HIF1A: variants seen among roughly 807,000 people sequenced by gnomAD.
The protein encoded by HIF1A is hypoxia inducible factor 1 subunit alpha.
A neutral mutation model predicts 92.7 loss-of-function variants in HIF1A; 24 were observed. The observed-to-expected ratio is 0.26, with a 90% confidence interval of 0.19 to 0.36. The LOEUF is 0.36. Ranked by LOEUF, HIF1A falls within the 10% of genes least tolerant of loss-of-function variation. HIF1A has a pLI of 1.00. For missense variants in HIF1A, 799 were observed against 998.5 expected (o/e 0.80, Z 2.69); for synonymous variants, 319 against 338.7 (o/e 0.94, Z 0.64).
chr14:61,737,254 C>G, intron 9 of HIF1A, 145 bp downstream of exon 9: 1 of 633,460 alleles, frequency 1.6e-6, no homozygotes, highest in East Asian at 2.8e-5. Context: ...AATGTATTTG[C>G]TTAAATATTT....
chr14:61,734,660 C>A (rs2044615447), intron 8 of HIF1A, among the ~76,000 whole-genome samples: 1 of 152,058 alleles, frequency 6.6e-6, no homozygotes, highest in Non-Finnish European at 1.5e-5. Context: ...AGCTCTACCA[C>A]TCATTAGCTC....
At chr14:61,713,316 A>C (rs2140129756) in intron 1 of HIF1A, among the ~76,000 whole-genome samples, 1 of 152,310 alleles carries the variant, frequency 6.6e-6, no homozygotes, top group Admixed American at 6.5e-5. Flanking sequence ...GCAGAGTAAC[A>C]GTGGTTAGCA....
At chr14:61,704,189 A>G (rs757467689) in intron 1 of HIF1A, among the ~76,000 whole-genome samples, 70 of 152,334 alleles carry the variant, frequency 4.6e-4, no homozygotes, top group Non-Finnish European at 9.3e-4. Context: ...CTATCCATAT[A>G]TTCATAATAT....
intron 4 of HIF1A, among the ~76,000 whole-genome samples, chr14:61,724,125 TTTG>T (rs761514082): frequency 6.7e-6 from 1 of 149,660 alleles, no homozygotes; most frequent in Admixed American, 7.5e-5. Context: ...TTGTTTGTTT[TTTG>T]TTTTTTTTTT....
At chr14:61,711,545 AC>A (rs2044308328) in intron 1 of HIF1A, among the ~76,000 whole-genome samples, 1 of 152,032 alleles carries the variant, frequency 6.6e-6, no homozygotes, top group African/African-American at 2.4e-5. Flanking sequence ...CTCTCTTTAC[AC>A]CTCTAAATCT....
At chr14:61,716,752 CTAA>C (rs928255152) in intron 1 of HIF1A, among the ~76,000 whole-genome samples, 16 of 152,160 alleles carry the variant, frequency 1.1e-4, no homozygotes, top group Admixed American at 7.2e-4. Context: ...AATTATTTTT[CTAA>C]ATATATTTCC....
chr14:61,714,428 C>A (rs957851788), intron 1 of HIF1A, among the ~76,000 whole-genome samples: 1 of 152,076 alleles, frequency 6.6e-6, no homozygotes, highest in African/African-American at 2.4e-5. Flanking sequence ...AAATACAAAC[C>A]AAGAACTTGG....
intron 6 of HIF1A, among the ~76,000 whole-genome samples, chr14:61,728,365 TCTATTA>T (rs1480006250): frequency 6.6e-6 from 1 of 152,216 alleles, no homozygotes; most frequent in African/African-American, 2.4e-5. Context: ...GCCCATGGTT[TCTATTA>T]CTATTTCCCA....
At chr14:61,703,047 T>C (rs1273633148) in intron 1 of HIF1A, among the ~76,000 whole-genome samples, 2 of 152,214 alleles carry the variant, frequency 1.3e-5, no homozygotes, top group Non-Finnish European at 2.9e-5. Flanking sequence ...ATTTCAGATA[T>C]AGTCTGTTTT....
At chr14:61,745,429 A>T (rs2044768146) in intron 13 of HIF1A, 2 of 426,836 alleles carry the variant, frequency 4.7e-6, no homozygotes, top group Admixed American at 3.6e-5. Context: ...TCTCATATTT[A>T]AAAAAGAACT....
At position 61,736,876 on chromosome 14, in the gene HIF1A, CTT is replaced by C; in HGVS notation, c.1029-12_1029-11del. On this transcript the variant is annotated splice_polypyrimidine_tract_variant and intron_variant, in intron 8 of 14. Coordinates refer to ENST00000337138, the MANE Select transcript of HIF1A (RefSeq NM_001530.4). ...GCTCATTTGTGAATTACCAATTTCT[CTT>C]GTTTTGACAGTGGTATTATTCAGCA... 6.3e-7 allele frequency: 1 copy of C among 1,580,714 alleles called. No homozygotes were observed. Among genetic ancestry groups the C allele is most frequent in the Non-Finnish European group, 8.7e-7 (1 of 1,150,320 alleles).
At chr14:61,746,389 C>CTT (rs2044787953) in intron 14 of HIF1A, among the ~76,000 whole-genome samples, 1 of 48,624 alleles carries the variant, frequency 2.1e-5, no homozygotes, top group African/African-American at 3.4e-5. Context: ...ACTTTTATGA[C>CTT]TTCTTTTTTT....
Position 61,738,136 on chromosome 14 carries a change from T to C in HIF1A, c.1299T>C (p.Asp433=), listed in dbSNP as rs1300550590. The part of the protein sequence containing the change: ...QQLEEVPLYN[D]VMLPSPNEKL... ...TTGAGGAAGTACCATTATATAATGA[T>C]GTAATGCTCCCCTCACCCAACGAAA... The change falls in exon 10 of 15, where the codon GAT becomes GAC. Residue 433 remains aspartate (D), a synonymous_variant. Transcript: ENST00000337138. 2 of 1,613,492 alleles carry C rather than the reference T, an allele frequency of 1.2e-6. No individual in the cohort carries two copies. Among genetic ancestry groups the C allele is most frequent in the East Asian group, 2.2e-5 (1 of 44,886 alleles).
At chr14:61,720,970 G>A (rs955715245) in intron 2 of HIF1A, among the ~76,000 whole-genome samples, 11 of 152,050 alleles carry the variant, frequency 7.2e-5, no homozygotes, top group African/African-American at 2.4e-4. Flanking sequence ...GGCCGGGCGC[G>A]GTGGCTCACG....
intron 13 of HIF1A, among the ~76,000 whole-genome samples, chr14:61,745,224 A>T (rs1594890270): frequency 6.6e-6 from 1 of 152,168 alleles, no homozygotes; most frequent in African/African-American, 2.4e-5. Flanking sequence ...GGAGTTCGAG[A>T]CCAGCCTGGC....
chr14:61,740,306 C>A (rs1430189800), intron 10 of HIF1A, 199 bp from the exon 11 acceptor site: 5 of 388,382 alleles, frequency 1.3e-5, no homozygotes, highest in Non-Finnish European at 2.3e-5. Context: ...ACCTCATTAT[C>A]CCTCCACCTT....
chr14:61,720,695 A>C (rs2044416412), intron 2 of HIF1A, 123 bp downstream of exon 2: 3 of 499,180 alleles, frequency 6.0e-6, no homozygotes, highest in Non-Finnish European at 6.6e-6. Flanking sequence ...TGTGATATGT[A>C]CACGTTTAAA....
Position 61,720,458 on chromosome 14 carries a change from T to C in HIF1A, c.112T>C (p.Tyr38His), listed in dbSNP as rs1174275971. Residue 38 changes from tyrosine (Y) to histidine (H), a missense_variant, in exon 2 of 15, where the codon TAT becomes CAT. Coordinates refer to ENST00000337138, the MANE Select transcript of HIF1A (RefSeq NM_001530.4). ...SRRSKESEVF[Y>H]ELAHQLPLPH... ...GCGAAGTAAAGAATCTGAAGTTTTT[T>C]ATGAGCTTGCTCATCAGTTGCCACT... 1 of 1,613,930 alleles carries C rather than the reference T, an allele frequency of 6.2e-7. No homozygotes were observed. The highest frequency in any genetic ancestry group is 8.5e-7 in the Non-Finnish European group (1 of 1,179,896).
chr14:61,715,308 C>T lies in HIF1A; in HGVS notation c.36-5074C>T, dbSNP rs529237266. On this transcript the variant is annotated intron_variant, in intron 1 of 14. Transcript: ENST00000337138. ...TTAGGATTTTGGATTTATAAGCAAA[C>T]TCCAAGAAAGAGCCTGGTTCTGAGT... Among the ~76,000 whole-genome samples, 3 of 152,302 alleles carry T rather than the reference C, an allele frequency of 2.0e-5. No homozygotes were observed. In the South Asian group the frequency reaches 6.2e-4, roughly 32 times the overall value.
Sources: gnomAD v4.1 joint callset for allele counts (sites outside exome capture counted in the v4.1 genomes callset) on GRCh38, gnomAD v4.1.1 for gene constraint, MANE v1.5 for transcripts, NCBI Gene and HGNC (gene_info 2026-07-23, HGNC 2026-07-21) for gene names.